The following PSEN1 variants were observed in gnomAD, a reference collection of about 807,000 sequenced individuals.
PSEN1 encodes the protein presenilin-1.
PSEN1 carries 15 observed loss-of-function variants against 53.5 expected under a neutral mutation model. That is an observed-to-expected ratio of 0.28 (90% CI 0.19 to 0.43). The LOEUF is 0.43. PSEN1 is among the 20% of genes least tolerant of loss of function. The probability of loss-of-function intolerance (pLI) is 1.00; values close to 1 mark genes in which losing one functional copy is unlikely to be tolerated. For synonymous variants in PSEN1, 208 were observed against 209.8 expected (o/e 0.99, Z 0.08); for missense variants, 387 against 571.2 (o/e 0.68, Z 3.29).
chr14:73,152,617 A>T (rs1897260034), intron 3 of PSEN1, among the ~76,000 whole-genome samples: 1 of 152,070 alleles, frequency 6.6e-6, no homozygotes, highest in Non-Finnish European at 1.5e-5. Context: ...AAAAAAGAAA[A>T]AAAAAACCCA....
intron 5 of PSEN1, among the ~76,000 whole-genome samples, chr14:73,179,213 A>G (rs1024357099): frequency 5.9e-5 from 9 of 152,302 alleles, no homozygotes; most frequent in Middle Eastern, 3.4e-3. Context: ...CGGGACTGAC[A>G]TTCTTCCAGT....
chr14:73,162,780 G>A (rs1239499924), intron 3 of PSEN1, among the ~76,000 whole-genome samples: 2 of 152,174 alleles, frequency 1.3e-5, no homozygotes, highest in African/African-American at 2.4e-5. Context: ...TGTGTGAAAA[G>A]GGGGAGTAAG....
intron 3 of PSEN1, chr14:73,168,567 G>T (rs189066708): frequency 5.3e-5 from 8 of 152,344 alleles, no homozygotes; most frequent in African/African-American, 1.9e-4. Flanking sequence ...GCTAACTTCA[G>T]ATGGTGCAGC....
intron 7 of PSEN1, among the ~76,000 whole-genome samples, chr14:73,194,784 G>T (rs1293586969): frequency 2.7e-5 from 4 of 150,940 alleles, no homozygotes; most frequent in Admixed American, 2.6e-4. Context: ...TAGCCAGGAT[G>T]ATCTCGATCT....
intron 6 of PSEN1, chr14:73,189,769 G>T: frequency 4.8e-6 from 1 of 208,896 alleles, no homozygotes; most frequent in Non-Finnish European, 1.0e-5. Context: ...TGGTGAAGCA[G>T]AGATGCCAGC....
At chr14:73,151,582 A>G (rs1288581031) in intron 3 of PSEN1, among the ~76,000 whole-genome samples, 1 of 152,032 alleles carries the variant, frequency 6.6e-6, no homozygotes, top group Non-Finnish European at 1.5e-5. Context: ...TGAAAAAGTA[A>G]TCTCACGCTG....
At chr14:73,182,078 A>AG (rs1898233880) in intron 5 of PSEN1, among the ~76,000 whole-genome samples, 1 of 152,178 alleles carries the variant, frequency 6.6e-6, no homozygotes, top group South Asian at 2.1e-4. Context: ...CTGGCCTGAA[A>AG]GGGAAATGTT....
At chr14:73,209,271 C>T (rs1396865221) in intron 9 of PSEN1, among the ~76,000 whole-genome samples, 1 of 152,206 alleles carries the variant, frequency 6.6e-6, no homozygotes, top group African/African-American at 2.4e-5. Flanking sequence ...CCCAGCTGCA[C>T]CTCCCCTGCT....
chr14:73,183,342 C>A (rs1050247218), intron 5 of PSEN1, among the ~76,000 whole-genome samples: 1 of 151,292 alleles, frequency 6.6e-6, no homozygotes, highest in African/African-American at 2.4e-5. Flanking sequence ...GTGTTTCTCA[C>A]AGAGGGGGAT....
chr14:73,213,688 AT>A (rs1899794555), intron 10 of PSEN1, among the ~76,000 whole-genome samples: 2 of 152,240 alleles, frequency 1.3e-5, no homozygotes, highest in African/African-American at 4.8e-5. Context: ...TAGAAAACTG[AT>A]CAAAGGATCT....
chr14:73,175,638 T>C (rs1898028175), intron 5 of PSEN1, among the ~76,000 whole-genome samples: 1 of 152,214 alleles, frequency 6.6e-6, no homozygotes, highest in South Asian at 2.1e-4. Context: ...TTAGAAAATA[T>C]TTCTATGGCT....
At position 73,206,432 on chromosome 14, in the gene PSEN1, T is replaced by C. The variant is rs746839057; in HGVS notation, c.915T>C (p.Ala305=). Residue 305 remains alanine (A), a synonymous_variant, in exon 9 of 12, where the codon GCT becomes GCC. Coordinates refer to ENST00000324501, the MANE Select transcript of PSEN1 (RefSeq NM_000021.4). ...LVNMAEGDPE[A]QRRVSKNSKY... The stretch of plus-strand genomic sequence containing the variant: ...ATATGGCAGAAGGAGACCCGGAAGC[T>C]CAAAGGAGAGTATCCAAAAATTCCA... 1 of 1,613,926 alleles carries C rather than the reference T, an allele frequency of 6.2e-7. No individual in the cohort carries two copies.
intron 1 of PSEN1, among the ~76,000 whole-genome samples, chr14:73,143,436 A>G (rs143844465): frequency 2.3e-3 from 345 of 152,006 alleles, no homozygotes; most frequent in African/African-American, 7.8e-3. Flanking sequence ...TCTCTCTGTA[A>G]CTCTGTGCAG....
intron 7 of PSEN1, 80 bp downstream of exon 7, chr14:73,192,944 T>G: frequency 9.0e-7 from 1 of 1,116,878 alleles, no homozygotes; most frequent in Non-Finnish European, 1.4e-6. Context: ...TTTATCTTGA[T>G]TTAGAGAAAA....
rs1179088035 is a variant in PSEN1, at chr14:73,197,707, CTCA to C, written c.770-319_770-317del. 3.9e-5 allele frequency: 13 copies of C among 333,716 alleles called. 1 individual carries two copies. Among genetic ancestry groups the C allele is most frequent in the Non-Finnish European group, 6.8e-5 (12 of 176,162 alleles). 20.7% of individuals were successfully genotyped at this position (333,716 alleles called of 1,614,324 possible). ...TTGACAACTGCTTAAAATAGTCTATCTCATCATTATCTCTGCAGCTTTCCTTTA... is the reference window on the plus strand; with the variant it reads ...TTGACAACTGCTTAAAATAGTCTATCTCATTATCTCTGCAGCTTTCCTTTA... On this transcript the variant is annotated intron_variant, in intron 7 of 11. Coordinates refer to ENST00000324501, the MANE Select transcript of PSEN1 (RefSeq NM_000021.4).
intron 8 of PSEN1, among the ~76,000 whole-genome samples, chr14:73,201,240 G>A (rs28713521): frequency 0.017 from 2,617 of 151,906 alleles, 79 homozygotes; most frequent in African/African-American, 0.059. Context: ...GGCACACGCC[G>A]CCACGCCCGG....
chr14:73,205,121 A>G (rs891472106), intron 8 of PSEN1, among the ~76,000 whole-genome samples: 3 of 152,192 alleles, frequency 2.0e-5, no homozygotes, highest in Non-Finnish European at 2.9e-5. Flanking sequence ...TATTAGAAAC[A>G]TGGATAAAAT....
chr14:73,164,322 C>G (rs976526852), intron 3 of PSEN1, among the ~76,000 whole-genome samples: 2 of 152,010 alleles, frequency 1.3e-5, no homozygotes, highest in South Asian at 2.1e-4. Context: ...TCCATAGTGC[C>G]GACGATTTTC....
intron 5 of PSEN1, among the ~76,000 whole-genome samples, chr14:73,184,135 C>G (rs1285600895): frequency 9.8e-6 from 1 of 102,272 alleles, no homozygotes; most frequent in Admixed American, 9.3e-5. Context: ...CCGGACAGGG[C>G]GGCTGGCCGG....
Sources: allele counts gnomAD v4.1 joint callset (sites outside exome capture counted in the v4.1 genomes callset), GRCh38; gene constraint gnomAD v4.1.1; transcripts MANE v1.5; gene names NCBI Gene and HGNC (gene_info 2026-07-23, HGNC 2026-07-21).